Variants in LRRC4C observed in about 807,000 individuals in gnomAD.
LRRC4C encodes the protein leucine rich repeat containing 4C.
Under a neutral mutation model 33.6 loss-of-function variants are expected in LRRC4C, and 5 were observed. The observed-to-expected ratio is 0.15, with a 90% CI of 0.08 to 0.31. The LOEUF is 0.31. LRRC4C is among the 10% of genes least tolerant of loss of function. LRRC4C has a pLI of 1.00. For synonymous variants in LRRC4C, 329 were observed against 302.0 expected (o/e 1.09, Z -0.93); for missense variants, 560 against 796.7 (o/e 0.70, Z 3.58).
intron 2 of LRRC4C, among the ~76,000 whole-genome samples, chr11:40,664,570 A>C (rs760766168): frequency 4.3e-4 from 65 of 152,084 alleles, no homozygotes; most frequent in Non-Finnish European, 7.8e-4. Flanking sequence ...AACAAATTAG[A>C]AAAGTTTGTA....
chr11:40,821,739 A>G (rs1951937937), intron 2 of LRRC4C, among the ~76,000 whole-genome samples: 1 of 151,692 alleles, frequency 6.6e-6, no homozygotes, highest in African/African-American at 2.4e-5. Flanking sequence ...TCACAGACCA[A>G]AAGGAACTAA....
intron 2 of LRRC4C, among the ~76,000 whole-genome samples, chr11:40,671,705 T>C (rs1176065374): frequency 6.7e-6 from 1 of 149,520 alleles, no homozygotes; most frequent in African/African-American, 2.4e-5. Context: ...TGTATATATA[T>C]AGTAATATAT....
chr11:40,700,244 A>G (rs568823445), intron 2 of LRRC4C, among the ~76,000 whole-genome samples: 1 of 152,158 alleles, frequency 6.6e-6, no homozygotes, highest in African/African-American at 2.4e-5. Flanking sequence ...AACGTGAGAC[A>G]GTCTTTGGAT....
chr11:41,426,360 T>C (rs183627168), intron 1 of LRRC4C: 4 of 152,314 alleles, frequency 2.6e-5, no homozygotes, highest in Non-Finnish European at 5.9e-5. Context: ...ATTACCTCCT[T>C]GCTGATTTCT....
intron 1 of LRRC4C, among the ~76,000 whole-genome samples, chr11:41,107,977 AGAG>A (rs1941610359): frequency 6.7e-6 from 1 of 148,684 alleles, no homozygotes; most frequent in East Asian, 2.0e-4. Flanking sequence ...GGGAGAGGGG[AGAG>A]GGGAGAGGGG....
chr11:41,131,374 A>C (rs1225896426), intron 1 of LRRC4C, among the ~76,000 whole-genome samples: 1 of 152,024 alleles, frequency 6.6e-6, no homozygotes, highest in Non-Finnish European at 1.5e-5. Flanking sequence ...TCTAACTCAA[A>C]TCTCATTTTT....
At position 40,218,736 on chromosome 11, in the gene LRRC4C, TATCTATCCATCCATCC is replaced by T. The variant is rs1295150363; in HGVS notation, c.-96+22767_-96+22782del. On this transcript the variant is annotated intron_variant, in intron 5 of 6. Coordinates refer to ENST00000528697, the MANE Select transcript of LRRC4C (RefSeq NM_001258419.2). ...CTATCTATCTATCTATCTATCTATC[TATCTATCCATCCATCC>T]ATCTATCCATCCATCCAAACCTAGG... 3.4e-5 allele frequency among the ~76,000 whole-genome samples: 5 copies of T among 146,856 alleles called. No individual in the cohort carries two copies. The South Asian group carries it at 6.3e-4, about 19-fold the overall frequency.
intron 4 of LRRC4C, among the ~76,000 whole-genome samples, chr11:40,263,377 T>C (rs911486029): frequency 1.3e-5 from 2 of 152,122 alleles, no homozygotes; most frequent in Non-Finnish European, 2.9e-5. Context: ...CTATACATTA[T>C]CTTCCCTTAT....
chr11:40,642,903 A>G (rs914362418), intron 3 of LRRC4C, among the ~76,000 whole-genome samples: 3 of 152,198 alleles, frequency 2.0e-5, no homozygotes, highest in Admixed American at 2.0e-4. Context: ...ATATCTACAA[A>G]AATGCTTCCA....
At chr11:40,654,231 C>T (rs956265640) in intron 2 of LRRC4C, among the ~76,000 whole-genome samples, 3 of 152,138 alleles carry the variant, frequency 2.0e-5, no homozygotes, top group African/African-American at 7.2e-5. Context: ...AGAAGAGGGC[C>T]ACCATCCTCC....
At chr11:41,308,330 T>TAACA (rs1258758766) in intron 1 of LRRC4C, among the ~76,000 whole-genome samples, 1 of 152,134 alleles carries the variant, frequency 6.6e-6, no homozygotes, top group East Asian at 1.9e-4. Flanking sequence ...GCGTGAGCAC[T>TAACA]AACAGAACAA....
intron 3 of LRRC4C, among the ~76,000 whole-genome samples, chr11:40,453,311 GAGAAA>G (rs1951978959): frequency 6.6e-6 from 1 of 151,724 alleles, no homozygotes; most frequent in African/African-American, 2.4e-5. Flanking sequence ...CAGTGCTTTT[GAGAAA>G]ATAAAAAAGT....
chr11:41,375,608 A>G (rs1952908574), intron 1 of LRRC4C, among the ~76,000 whole-genome samples: 1 of 152,292 alleles, frequency 6.6e-6, no homozygotes, highest in East Asian at 1.9e-4. Context: ...ATCTATCATA[A>G]TATAAATATT....
intron 2 of LRRC4C, among the ~76,000 whole-genome samples, chr11:40,704,773 A>T (rs1030386052): frequency 1.2e-4 from 18 of 152,158 alleles, no homozygotes; most frequent in African/African-American, 4.1e-4. Flanking sequence ...CTCAATAAAT[A>T]TTAGCTATTA....
At chr11:41,334,405 T>C (rs1031125622) in intron 1 of LRRC4C, among the ~76,000 whole-genome samples, 4 of 152,182 alleles carry the variant, frequency 2.6e-5, no homozygotes, top group African/African-American at 9.6e-5. Context: ...TTCCTTCTCC[T>C]TTACTCTCTA....
At chr11:40,464,489 G>T (rs972831028) in intron 3 of LRRC4C, among the ~76,000 whole-genome samples, 1 of 152,026 alleles carries the variant, frequency 6.6e-6, no homozygotes, top group Non-Finnish European at 1.5e-5. Context: ...AATCAGGAAA[G>T]AGAAAGATAT....
chr11:40,891,161 G>A (rs1389781445), intron 2 of LRRC4C, among the ~76,000 whole-genome samples: 1 of 152,002 alleles, frequency 6.6e-6, no homozygotes, highest in African/African-American at 2.4e-5. Flanking sequence ...AACTTGGAAG[G>A]TGGAGGCGGA....
chr11:40,725,696 C>G (rs1947258742), intron 2 of LRRC4C, among the ~76,000 whole-genome samples: 1 of 152,146 alleles, frequency 6.6e-6, no homozygotes, highest in South Asian at 2.1e-4. Context: ...AACATGTTAT[C>G]AAACTGCACA....
chr11:41,060,577 A>G (rs1565345774), intron 1 of LRRC4C, among the ~76,000 whole-genome samples: 3 of 152,144 alleles, frequency 2.0e-5, no homozygotes, highest in Non-Finnish European at 4.4e-5. Flanking sequence ...GAGGACACTA[A>G]TTCTGTTGGA....
Sources: gnomAD v4.1 joint callset for allele counts (sites outside exome capture counted in the v4.1 genomes callset) on GRCh38, gnomAD v4.1.1 for gene constraint, MANE v1.5 for transcripts, NCBI Gene and HGNC (gene_info 2026-07-23, HGNC 2026-07-21) for gene names.